GNA11: variants seen among roughly 807,000 people sequenced by gnomAD.
GNA11 encodes the protein guanine nucleotide-binding protein subunit alpha-11.
In GNA11, 8 loss-of-function variants were observed where a neutral mutation model predicts 38.2. The observed-to-expected ratio is 0.21, with a 90% CI of 0.12 to 0.38. GNA11 has a LOEUF of 0.38. GNA11 is among the 10% of genes least tolerant of loss of function. The pLI, the probability that GNA11 is intolerant of heterozygous loss-of-function variation, is 1.00. For synonymous variants in GNA11, 211 were observed against 221.4 expected (o/e 0.95, Z 0.42); for missense variants, 268 against 516.3 (o/e 0.52, Z 4.66).
chr19:3,096,617 G>A (rs1355862716), intron 1 of GNA11, among the ~76,000 whole-genome samples: 1 of 152,170 alleles, frequency 6.6e-6, no homozygotes, highest in Non-Finnish European at 1.5e-5. Flanking sequence ...AGCAAGTCTG[G>A]AAGTGATGCG....
At chr19:3,118,130 G>GCTCTC (rs964283408) in intron 4 of GNA11, 13 of 152,202 alleles carry the variant, frequency 8.5e-5, no homozygotes, top group African/African-American at 3.1e-4. Context: ...AAGCAGCCCC[G>GCTCTC]CTCTCCTCGG....
chr19:3,096,291 G>A (rs1309168777), intron 1 of GNA11, among the ~76,000 whole-genome samples: 2 of 152,222 alleles, frequency 1.3e-5, no homozygotes, highest in African/African-American at 2.4e-5. Context: ...AGGGGGCCGC[G>A]GGTAGGCAGA....
intron 1 of GNA11, among the ~76,000 whole-genome samples, chr19:3,096,232 A>C (rs1050855374): frequency 6.6e-6 from 1 of 151,840 alleles, no homozygotes; most frequent in Non-Finnish European, 1.5e-5. Context: ...TTTTTTCCCC[A>C]AACTTGTGTT....
intron 4 of GNA11, among the ~76,000 whole-genome samples, chr19:3,116,761 G>A (rs956409339): frequency 3.9e-5 from 6 of 152,202 alleles, no homozygotes; most frequent in African/African-American, 1.2e-4. Context: ...GTGCAAGCTC[G>A]CCCTGGCACT....
At chr19:3,115,651 G>A (rs922063631) in intron 4 of GNA11, among the ~76,000 whole-genome samples, 2 of 151,340 alleles carry the variant, frequency 1.3e-5, no homozygotes, top group Non-Finnish European at 2.9e-5. Context: ...GCTGGGGTCT[G>A]GAGTGCTGGC....
intron 1 of GNA11, among the ~76,000 whole-genome samples, chr19:3,107,052 C>T (rs1166889117): frequency 6.6e-6 from 1 of 152,222 alleles, no homozygotes. Context: ...GCCTAACCAA[C>T]ATGGAGAAAC....
chr19:3,118,702 A>G (rs1913986255), intron 4 of GNA11: 1 of 528,936 alleles, frequency 1.9e-6, no homozygotes, highest in Admixed American at 3.3e-5. Flanking sequence ...CAGTGGTCTC[A>G]GGCCCCTTTG....
chr19:3,098,210 G>A (rs554205790), intron 1 of GNA11, among the ~76,000 whole-genome samples: 1 of 152,218 alleles, frequency 6.6e-6, no homozygotes, highest in African/African-American at 2.4e-5. Context: ...CACTTCTGTC[G>A]ATGCTGGTGA....
intron 1 of GNA11, among the ~76,000 whole-genome samples, chr19:3,103,413 A>G (rs182917074): frequency 1.1e-3 from 159 of 142,656 alleles, no homozygotes; most frequent in Non-Finnish European, 1.2e-3. Context: ...TGGTTTCACT[A>G]TGTTGGCCAG....
chr19:3,115,144 C>T (rs2145321450), intron 4 of GNA11, 72 bp downstream of exon 4: 1 of 1,539,908 alleles, frequency 6.5e-7, no homozygotes, highest in Admixed American at 1.7e-5. Context: ...CGGCTCATGC[C>T]TGCGCACCCA....
intron 3 of GNA11, among the ~76,000 whole-genome samples, chr19:3,114,667 C>T (rs1265855498): frequency 4.6e-5 from 7 of 152,218 alleles, no homozygotes; most frequent in African/African-American, 1.7e-4. Context: ...ACCCCCCGAA[C>T]CAGCTGGAGT....
chr19:3,121,352 G>A lies in GNA11; in HGVS notation c.*173G>A, dbSNP rs1914069878. ...ATGGTTTTTATTTCACAGTTATCAG[G>A]GGATGTACATCTCTCCCTCCGTACA... On this transcript the variant is annotated 3_prime_UTR_variant, in exon 7 of 7. Transcript: ENST00000078429. 1 of 572,048 alleles carries A rather than the reference G, an allele frequency of 1.7e-6. No individual in the cohort carries two copies. The highest frequency in any genetic ancestry group is 1.9e-5 in the African/African-American group (1 of 52,800). The allele number at this position is 572,048 out of a possible 1,614,324, so 35.4% of individuals were successfully genotyped here.
chr19:3,105,132 C>T (rs1462594249), intron 1 of GNA11, among the ~76,000 whole-genome samples: 2 of 152,180 alleles, frequency 1.3e-5, no homozygotes, highest in Middle Eastern at 3.4e-3. Flanking sequence ...TGACTCGTCA[C>T]CCGTGGAGTG....
intron 1 of GNA11, among the ~76,000 whole-genome samples, chr19:3,109,008 G>A (rs1048660027): frequency 9.2e-5 from 14 of 152,240 alleles, no homozygotes; most frequent in African/African-American, 3.4e-4. Flanking sequence ...GAAGGCCTGT[G>A]CCTTTTGTGA....
intron 1 of GNA11, among the ~76,000 whole-genome samples, chr19:3,104,678 C>T (rs1913594362): frequency 6.6e-6 from 1 of 152,216 alleles, no homozygotes; most frequent in Non-Finnish European, 1.5e-5. Context: ...AACATGTACA[C>T]AGCGCCTTCT....
intron 1 of GNA11, among the ~76,000 whole-genome samples, chr19:3,102,594 C>T (rs1004206117): frequency 3.9e-5 from 6 of 152,140 alleles, no homozygotes; most frequent in Non-Finnish European, 5.9e-5. Context: ...CATTAGGGGT[C>T]GTGTGACTTC....
chr19:3,121,956 C>T lies in GNA11; in HGVS notation c.*777C>T, dbSNP rs911596922. On this transcript the variant is annotated 3_prime_UTR_variant, in exon 7 of 7. Coordinates refer to ENST00000078429, the MANE Select transcript of GNA11 (RefSeq NM_002067.5). ...CCTCTGCAGAGGCTGGGAAGGGTCC[C>T]CGGGCTGGAGCCACGGGGGCTTCTC... 4.3e-6 allele frequency: 1 copy of T among 233,080 alleles called. No homozygotes were observed. Among genetic ancestry groups the T allele is most frequent in the African/African-American group, 2.2e-5 (1 of 45,344 alleles). 14.4% of individuals were successfully genotyped at this position (233,080 alleles called of 1,614,324 possible).
In GNA11 at chr19:3,113,497, G is replaced by A. The variant is rs371755659; in HGVS notation, c.476+13G>A. On this transcript the variant is annotated intron_variant, in intron 3 of 6. Coordinates refer to ENST00000078429, the MANE Select transcript of GNA11 (RefSeq NM_002067.5). ...ACTCTGCCAAGTAGTAAGTGCGGCC[G>A]CACCGCTGGCGGCCTGGGGACGGCA... 5.4e-5 allele frequency: 84 copies of A among 1,554,600 alleles called. 1 individual carries two copies. Among genetic ancestry groups the A allele is most frequent in the Middle Eastern group, 1.7e-4 (1 of 5,848 alleles).
rs757091302 is a variant in GNA11 at position 3,119,390 on chromosome 19, C to G, written c.889+31C>G. 2 of 1,602,492 alleles carry G rather than the reference C, an allele frequency of 1.2e-6. No individual in the cohort carries two copies. Among genetic ancestry groups the G allele is most frequent in the South Asian group, 1.1e-5 (1 of 89,466 alleles). On this transcript the variant is annotated intron_variant, in intron 6 of 6. Transcript: ENST00000078429. The surrounding 1 kb of genome is among the most constrained non-coding windows in gnomAD (Gnocchi z 4.6). ...CCGGGCTGCGGCATGGGGAGGGGCT[C>G]GCGGGCAGGGCCTTACTGGGGGGAG...
Sources: allele counts gnomAD v4.1 joint callset (sites outside exome capture counted in the v4.1 genomes callset), GRCh38; gene constraint gnomAD v4.1.1; non-coding constraint Gnocchi (gnomAD v3.1); transcripts MANE v1.5; gene names NCBI Gene and HGNC (gene_info 2026-07-23, HGNC 2026-07-21).